Variants in PCTP observed in about 807,000 individuals in gnomAD.
PCTP encodes the protein START domain-containing protein 2.
Under a neutral mutation model 31.0 loss-of-function variants are expected in PCTP, and 27 were observed. The ratio of observed to expected loss-of-function variants is 0.87; its 90% CI spans 0.64 to 1.20. The LOEUF is 1.20. Among genes scored for constraint, PCTP ranks in the 50% most tolerant of loss-of-function variants. PCTP has a pLI of 0.00. For synonymous variants in PCTP, 108 were observed against 101.2 expected, an observed-to-expected ratio of 1.07 and a Z score of -0.40; for missense variants, 287 against 268.2, an observed-to-expected ratio of 1.07 and a Z score of -0.49.
intron 5 of PCTP, among the ~76,000 whole-genome samples, chr17:55,838,912 A>G (rs979651323): frequency 6.6e-6 from 1 of 152,200 alleles, no homozygotes; most frequent in Non-Finnish European, 1.5e-5. Context: ...CATAGCATAC[A>G]GAATGCTAAG....
chr17:55,761,598 AT>A (rs1382472089), intron 1 of PCTP, among the ~76,000 whole-genome samples: 2 of 147,966 alleles, frequency 1.4e-5, no homozygotes, highest in Non-Finnish European at 3.0e-5. Context: ...TATATATAAC[AT>A]TATATTTATG....
chr17:55,786,555 C>T (rs1307029274), intron 2 of PCTP, among the ~76,000 whole-genome samples: 1 of 152,142 alleles, frequency 6.6e-6, no homozygotes, highest in African/African-American at 2.4e-5. Flanking sequence ...CTATCTGTTA[C>T]TTTCATCTAT....
At chr17:55,767,226 G>C (rs1228326466) in intron 1 of PCTP, 109 bp from the exon 2 acceptor site, 1 of 548,648 alleles carries the variant, frequency 1.8e-6, no homozygotes, top group Non-Finnish European at 3.1e-6. Flanking sequence ...TGTTCACTCT[G>C]ATGGTAGTTT....
At chr17:55,841,258 A>G (rs964851077) in intron 5 of PCTP, among the ~76,000 whole-genome samples, 1 of 152,222 alleles carries the variant, frequency 6.6e-6, no homozygotes, top group Non-Finnish European at 1.5e-5. Context: ...CATTGGTACT[A>G]GACGGGTTCA....
intron 3 of PCTP, among the ~76,000 whole-genome samples, chr17:55,773,436 C>CAGTG (rs1188680553): frequency 6.6e-6 from 1 of 152,158 alleles, no homozygotes; most frequent in African/African-American, 2.4e-5. Context: ...TGTCATCTCC[C>CAGTG]AGTGCCTTCT....
intron 3 of PCTP, among the ~76,000 whole-genome samples, chr17:55,815,598 C>T (rs1279171629): frequency 6.6e-6 from 1 of 152,152 alleles, no homozygotes; most frequent in African/African-American, 2.4e-5. Flanking sequence ...GGGGATGGTG[C>T]TCTTCGGTAA....
chr17:55,816,413 C>T (rs1316482142), intron 3 of PCTP, among the ~76,000 whole-genome samples: 1 of 152,168 alleles, frequency 6.6e-6, no homozygotes, highest in Non-Finnish European at 1.5e-5. Flanking sequence ...CAGAGCCTGG[C>T]CAAAAACCTG....
At chr17:55,763,232 G>C (rs1238776455) in intron 1 of PCTP, among the ~76,000 whole-genome samples, 1 of 152,094 alleles carries the variant, frequency 6.6e-6, no homozygotes, top group African/African-American at 2.4e-5. Flanking sequence ...AGCAATAAAA[G>C]TTTTGCCAAA....
intron 3 of PCTP, among the ~76,000 whole-genome samples, chr17:55,798,966 G>A (rs1256076073): frequency 6.6e-6 from 1 of 151,592 alleles, no homozygotes; most frequent in East Asian, 1.9e-4. Context: ...GCATTGTCTT[G>A]CAAGTAATAA....
Position 55,776,485 on chromosome 17 carries a change from A to G in PCTP, c.*385A>G. On this transcript the variant is annotated 3_prime_UTR_variant, in exon 6 of 6. Coordinates refer to ENST00000268896, the MANE Select transcript of PCTP (RefSeq NM_021213.4). ...TACGGGGATGGGTGGGCGGAGGGAC[A>G]CAACAAAATTTAAGAATGACTATTT... The G allele has an allele frequency of 1.2e-5, 15 of 1,232,054 alleles. No individual in the cohort carries two copies. Among genetic ancestry groups the G allele is most frequent in the Non-Finnish European group, 1.5e-5 (15 of 988,188 alleles). 76.3% of individuals were successfully genotyped at this position (1,232,054 alleles called of 1,614,324 possible).
intron 5 of PCTP, 140 bp from the exon 6 acceptor site, chr17:55,775,895 C>A (rs1911302256): frequency 1.4e-6 from 2 of 1,418,726 alleles, no homozygotes; most frequent in Admixed American, 2.9e-5. Flanking sequence ...TCTGCAACAA[C>A]ATTCTGTTGA....
intron 1 of PCTP, among the ~76,000 whole-genome samples, chr17:55,766,714 G>A (rs1358555478): frequency 6.6e-6 from 1 of 152,092 alleles, no homozygotes; most frequent in Non-Finnish European, 1.5e-5. Context: ...TAGAGCCGCA[G>A]TAAACATATG....
At chr17:55,762,627 A>G (rs1910399784) in intron 1 of PCTP, among the ~76,000 whole-genome samples, 2 of 152,150 alleles carry the variant, frequency 1.3e-5, no homozygotes. Flanking sequence ...TCAGAGTTCT[A>G]CCTATTGGTA....
At chr17:55,766,263 T>C (rs1910645641) in intron 1 of PCTP, among the ~76,000 whole-genome samples, 1 of 149,966 alleles carries the variant, frequency 6.7e-6, no homozygotes, top group African/African-American at 2.5e-5. Flanking sequence ...CTTTTCTTTT[T>C]TTTTTTTTTT....
chr17:55,826,126 A>G (rs1905387571), downstream of PCTP, among the ~76,000 whole-genome samples: 1 of 152,190 alleles, frequency 6.6e-6, no homozygotes, highest in African/African-American at 2.4e-5. Flanking sequence ...TGGTCTCATC[A>G]TCTGAGGAGT....
intron 3 of PCTP, among the ~76,000 whole-genome samples, chr17:55,802,448 G>A (rs1311448561): frequency 6.6e-6 from 1 of 152,158 alleles, no homozygotes; most frequent in East Asian, 1.9e-4. Flanking sequence ...TATCTCTAAT[G>A]AACATAGATG....
At chr17:55,757,855 A>T (rs924992449) in intron 1 of PCTP, among the ~76,000 whole-genome samples, 2 of 152,164 alleles carry the variant, frequency 1.3e-5, no homozygotes, top group Non-Finnish European at 2.9e-5. Context: ...TGCAATGGAA[A>T]TTGAAAGATG....
chr17:55,839,462 T>G (rs1450050567), intron 5 of PCTP, among the ~76,000 whole-genome samples: 1 of 152,200 alleles, frequency 6.6e-6, no homozygotes, highest in African/African-American at 2.4e-5. Flanking sequence ...TGAAAAATTA[T>G]GATGTCTGGT....
intron 5 of PCTP, among the ~76,000 whole-genome samples, chr17:55,838,227 C>G (rs1905841212): frequency 6.6e-6 from 1 of 152,152 alleles, no homozygotes; most frequent in African/African-American, 2.4e-5. Context: ...TCGTAAGCTT[C>G]AGACAGAATT....
Sources: allele counts gnomAD v4.1 joint callset (sites outside exome capture counted in the v4.1 genomes callset), GRCh38; gene constraint gnomAD v4.1.1; transcripts MANE v1.5; gene names NCBI Gene and HGNC (gene_info 2026-07-23, HGNC 2026-07-21).